The following SMARCC1 variants were observed in gnomAD, a reference collection of about 807,000 sequenced individuals.
SMARCC1 encodes SWI/SNF related BAF chromatin remodeling complex subunit C1, also known as SWI/SNF complex subunit SMARCC1.
In SMARCC1, 43 loss-of-function variants were observed where a neutral mutation model predicts 147.4. The observed-to-expected ratio is 0.29, with a 90% CI of 0.23 to 0.38. The LOEUF (loss-of-function observed/expected upper bound fraction) is 0.38, where lower values mean the gene tolerates loss of function less well. Among genes scored for constraint, SMARCC1 ranks in the 10% least tolerant of loss-of-function variants. SMARCC1 has a pLI of 1.00. For synonymous variants in SMARCC1, 495 were observed against 484.4 expected, an observed-to-expected ratio of 1.02 and a Z score of -0.29; for missense variants, 1,119 against 1,381.1, an observed-to-expected ratio of 0.81 and a Z score of 3.01.
chr3:47,758,460 G>A (rs2034730055), intron 2 of SMARCC1, among the ~76,000 whole-genome samples: 1 of 151,746 alleles, frequency 6.6e-6, no homozygotes, highest in African/African-American at 2.4e-5. Flanking sequence ...AGCCCTAGAG[G>A]TCAAGGCTGC....
At chr3:47,675,117 A>G (rs2033552725) in intron 18 of SMARCC1, among the ~76,000 whole-genome samples, 1 of 152,102 alleles carries the variant, frequency 6.6e-6, no homozygotes, top group Non-Finnish European at 1.5e-5. Context: ...TTCTCTTGGT[A>G]CTTTAGTTTC....
At chr3:47,771,613 G>A (rs1288170105) in intron 2 of SMARCC1, among the ~76,000 whole-genome samples, 1 of 151,906 alleles carries the variant, frequency 6.6e-6, no homozygotes, top group African/African-American at 2.4e-5. Context: ...GGTGGGTGGT[G>A]CATGCCTGTA....
At chr3:47,644,922 C>T (rs1390529851) in intron 21 of SMARCC1, among the ~76,000 whole-genome samples, 1 of 152,020 alleles carries the variant, frequency 6.6e-6, no homozygotes, top group Non-Finnish European at 1.5e-5. Flanking sequence ...CTGTATCATC[C>T]TCTTGGTATT....
At chr3:47,602,777 C>T (rs542737917) in intron 26 of SMARCC1, among the ~76,000 whole-genome samples, 1 of 152,336 alleles carries the variant, frequency 6.6e-6, no homozygotes, top group South Asian at 2.1e-4. Flanking sequence ...ATAGAGTACA[C>T]ACGAAGGCTT....
chr3:47,688,372 A>T (rs761990159), intron 13 of SMARCC1, among the ~76,000 whole-genome samples: 6 of 151,840 alleles, frequency 4.0e-5, no homozygotes, highest in Non-Finnish European at 5.9e-5. Flanking sequence ...GTTTCTTGAA[A>T]TACTTTTCCG....
rs1233075956 is a variant in SMARCC1 at position 47,687,108 on chromosome 3, G to A, written c.1264-938C>T. 3.9e-5 allele frequency among the ~76,000 whole-genome samples: 6 copies of A among 151,998 alleles called. 1 individual carries two copies. Among genetic ancestry groups the A allele is most frequent in the Admixed American group, 1.3e-4 (2 of 15,240 alleles). On this transcript the variant is annotated intron_variant, in intron 13 of 27. Coordinates refer to ENST00000254480, the MANE Select transcript of SMARCC1 (RefSeq NM_003074.4). ...CTCCTGTTACAGTATTTGAAGTGAC[G>A]ATCTAGTGTTACTACCTATAACAGT...
intron 7 of SMARCC1, among the ~76,000 whole-genome samples, chr3:47,718,610 T>C (rs1158324186): frequency 6.6e-6 from 1 of 152,018 alleles, no homozygotes; most frequent in Non-Finnish European, 1.5e-5. Context: ...TAAGGTGCAG[T>C]GTATACTGCT....
chr3:47,653,551 G>C (rs963007723), intron 21 of SMARCC1, among the ~76,000 whole-genome samples: 13 of 152,196 alleles, frequency 8.5e-5, no homozygotes, highest in Admixed American at 7.2e-4. Context: ...CAATAAGGCA[G>C]TATTTGTGAC....
At chr3:47,652,174 C>T (rs62262091) in intron 21 of SMARCC1, among the ~76,000 whole-genome samples, 9,569 of 152,136 alleles carry the variant, frequency 0.063, 423 homozygotes, top group Non-Finnish European at 0.095. Context: ...TGGGGTCTTG[C>T]TATGTTGACC....
chr3:47,635,115 G>A, intron 24 of SMARCC1, 75 bp downstream of exon 24: 2 of 1,306,988 alleles, frequency 1.5e-6, no homozygotes, highest in Non-Finnish European at 2.2e-6. Flanking sequence ...TATACTAAAT[G>A]TTCCCAATTA....
intron 5 of SMARCC1, among the ~76,000 whole-genome samples, chr3:47,731,753 G>T (rs895061242): frequency 6.6e-6 from 1 of 152,156 alleles, no homozygotes; most frequent in African/African-American, 2.4e-5. Context: ...TGAGCAGTAG[G>T]TCTCTACAGT....
chr3:47,662,267 C>A, intron 20 of SMARCC1, 67 bp downstream of exon 20: 1 of 1,296,378 alleles, frequency 7.7e-7, no homozygotes, highest in Non-Finnish European at 1.1e-6. Context: ...AATGTAACGG[C>A]TGGTAATATT....
At chr3:47,769,387 G>A (rs1489761627) in intron 2 of SMARCC1, among the ~76,000 whole-genome samples, 1 of 151,608 alleles carries the variant, frequency 6.6e-6, no homozygotes, top group African/African-American at 2.4e-5. Context: ...GCAGTGGCAG[G>A]TGCCTGTAAT....
At chr3:47,767,209 A>C (rs1468003222) in intron 2 of SMARCC1, among the ~76,000 whole-genome samples, 13 of 148,342 alleles carry the variant, frequency 8.8e-5, no homozygotes, top group African/African-American at 2.7e-4. Flanking sequence ...AAAAAAAAAA[A>C]AGGTTCCACT....
chr3:47,602,484 G>A (rs2032403955), intron 26 of SMARCC1, among the ~76,000 whole-genome samples: 1 of 152,060 alleles, frequency 6.6e-6, no homozygotes, highest in East Asian at 1.9e-4. Flanking sequence ...TTTTTGTAGA[G>A]AGAGGGTTTC....
At chr3:47,624,788 C>T (rs34456331) in intron 24 of SMARCC1, among the ~76,000 whole-genome samples, 356 of 152,090 alleles carry the variant, frequency 2.3e-3, no homozygotes, top group Non-Finnish European at 3.6e-3. Context: ...GAAGCTCATG[C>T]CTACGCCTAT....
intron 21 of SMARCC1, among the ~76,000 whole-genome samples, chr3:47,647,552 A>C (rs2033134241): frequency 6.6e-6 from 1 of 152,218 alleles, no homozygotes; most frequent in African/African-American, 2.4e-5. Context: ...AAACATCAAC[A>C]GACATAATCC....
intron 7 of SMARCC1, among the ~76,000 whole-genome samples, chr3:47,719,616 T>A (rs913416640): frequency 1.3e-5 from 2 of 151,942 alleles, no homozygotes; most frequent in African/African-American, 4.8e-5. Context: ...GGCAGGAGAA[T>A]CACTTGAACC....
chr3:47,608,928 T>TG (rs1429512176), intron 26 of SMARCC1, among the ~76,000 whole-genome samples: 8 of 146,154 alleles, frequency 5.5e-5, no homozygotes, highest in East Asian at 2.0e-4. Flanking sequence ...TGTGTTTGTG[T>TG]GGGGGGGTTA....
Sources: gnomAD v4.1 joint callset for allele counts (sites outside exome capture counted in the v4.1 genomes callset) on GRCh38, gnomAD v4.1.1 for gene constraint, MANE v1.5 for transcripts, NCBI Gene and HGNC (gene_info 2026-07-23, HGNC 2026-07-21) for gene names.